RPS24: variants seen among roughly 807,000 people sequenced by gnomAD.
RPS24 encodes the protein ribosomal protein S24, also known as small ribosomal subunit protein eS24.
For missense variants in RPS24, 100 were observed against 162.5 expected (o/e 0.62, Z 2.09); for synonymous variants, 72 against 55.6 (o/e 1.30, Z -1.31).
At chr10:78,036,569 G>A (rs1482156899) in intron 3 of RPS24, 1 of 153,514 alleles carries the variant, frequency 6.5e-6, no homozygotes, top group Non-Finnish European at 1.4e-5. Context: ...CTCCCAAAAT[G>A]TTGGGATTAC....
At chr10:78,053,961 G>C (rs951073981) in intron 4 of RPS24, among the ~76,000 whole-genome samples, 20 of 152,152 alleles carry the variant, frequency 1.3e-4, no homozygotes, top group African/African-American at 4.8e-4. Flanking sequence ...CCTGGGGAAG[G>C]GGGATTTGAG....
At chr10:78,051,073 C>A (rs1445720484) in intron 4 of RPS24, among the ~76,000 whole-genome samples, 1 of 152,110 alleles carries the variant, frequency 6.6e-6, no homozygotes, top group Non-Finnish European at 1.5e-5. Flanking sequence ...ACCTGTAATC[C>A]CAGCTACTTG....
intron 4 of RPS24, chr10:78,038,173 T>G (rs1847917911): frequency 3.5e-6 from 1 of 282,928 alleles, no homozygotes; most frequent in Non-Finnish European, 7.0e-6. Context: ...CCTAATATGT[T>G]TTAAGATAGT....
intron 4 of RPS24, among the ~76,000 whole-genome samples, chr10:78,047,255 C>T (rs573324755): frequency 8.6e-5 from 13 of 152,036 alleles, no homozygotes; most frequent in East Asian, 7.8e-4. Context: ...TGTGAGCCAC[C>T]GCGTCCAGCC....
At chr10:78,053,654 G>A (rs1848122495) in intron 4 of RPS24, among the ~76,000 whole-genome samples, 2 of 152,186 alleles carry the variant, frequency 1.3e-5, no homozygotes, top group South Asian at 4.1e-4. Context: ...GAGAGGAAAT[G>A]GCAGAGCAGG....
chr10:78,056,145 G>A (rs1848147994), exon 5 of RPS24: 1 of 152,604 alleles, frequency 6.6e-6, no homozygotes, highest in South Asian at 2.1e-4. Flanking sequence ...GTGTCTGTTA[G>A]TGAACCTGGT....
chr10:78,043,070 C>G (rs149597404), downstream of RPS24, among the ~76,000 whole-genome samples: 652 of 152,264 alleles, frequency 4.3e-3, 5 homozygotes, highest in African/African-American at 0.015. Flanking sequence ...GTGGCAGAAT[C>G]TTGGCTCACT....
At chr10:78,054,475 G>T in intron 4 of RPS24, 2 of 1,450,462 alleles carry the variant, frequency 1.4e-6, no homozygotes, top group South Asian at 2.8e-5. Flanking sequence ...GAACAGGGCG[G>T]CTGGAAGGCA....
intron 4 of RPS24, among the ~76,000 whole-genome samples, chr10:78,052,223 A>C (rs1032271899): frequency 6.6e-6 from 1 of 151,944 alleles, no homozygotes; most frequent in Non-Finnish European, 1.5e-5. Flanking sequence ...ACGGGGTTTC[A>C]CCATGTTGGC....
chr10:78,052,314 C>G (rs1273770871), intron 4 of RPS24, among the ~76,000 whole-genome samples: 1 of 152,174 alleles, frequency 6.6e-6, no homozygotes, highest in African/African-American at 2.4e-5. Context: ...GTGACCGCCA[C>G]CACCCCCGGC....
At chr10:78,045,205 C>A (rs1234139804), downstream of RPS24, among the ~76,000 whole-genome samples, 1 of 151,848 alleles carries the variant, frequency 6.6e-6, no homozygotes, top group East Asian at 1.9e-4. Flanking sequence ...TCAGGCTGGT[C>A]TTGAACTCCT....
chr10:78,055,520 G>A (rs1848142080), exon 5 of RPS24: 1 of 152,946 alleles, frequency 6.5e-6, no homozygotes, highest in Admixed American at 6.5e-5. Flanking sequence ...ATTGGGTCGT[G>A]AGGCAGAGGC....
intron 4 of RPS24, chr10:78,054,385 C>G: frequency 1.3e-6 from 1 of 761,236 alleles, no homozygotes; most frequent in Non-Finnish European, 2.1e-6. Context: ...AGTGCCCTTC[C>G]TTCAAGCTTT....
At chr10:78,041,154 T>C (rs1847981675), downstream of RPS24, among the ~76,000 whole-genome samples, 1 of 152,112 alleles carries the variant, frequency 6.6e-6, no homozygotes, top group South Asian at 2.1e-4. Context: ...GTACCATGTC[T>C]GGATAAACTG....
At chr10:78,053,592 G>T (rs183055464) in intron 4 of RPS24, among the ~76,000 whole-genome samples, 1 of 152,276 alleles carries the variant, frequency 6.6e-6, no homozygotes, top group East Asian at 1.9e-4. Context: ...GGAAGGTGAG[G>T]GAGCCTGAGA....
At chr10:78,039,259 C>T (rs115763247) in intron 4 of RPS24, 97 of 152,362 alleles carry the variant, frequency 6.4e-4, no homozygotes, top group African/African-American at 2.2e-3. Context: ...AAGAATTAGT[C>T]AAAATTTGTC....
intron 4 of RPS24, among the ~76,000 whole-genome samples, chr10:78,048,458 A>T (rs1056998401): frequency 6.6e-6 from 1 of 151,882 alleles, no homozygotes; most frequent in Admixed American, 6.6e-5. Flanking sequence ...TGGGCAGGAA[A>T]TCTCCAGAAC....
chr10:78,054,831 G>C (rs1259867569), exon 5 of RPS24: 1 of 1,551,628 alleles, frequency 6.4e-7, no homozygotes. Flanking sequence ...TGCTCCTGCT[G>C]GTTCTCCCCA....
At chr10:78,051,045 A>G (rs956519669) in intron 4 of RPS24, among the ~76,000 whole-genome samples, 7 of 152,094 alleles carry the variant, frequency 4.6e-5, no homozygotes, top group Admixed American at 4.6e-4. Flanking sequence ...AAAAAATTAG[A>G]CGGGCATGGT....
Sources: gnomAD v4.1 joint callset for allele counts (sites outside exome capture counted in the v4.1 genomes callset) on GRCh38, gnomAD v4.1.1 for gene constraint, MANE v1.5 for transcripts, NCBI Gene and HGNC (gene_info 2026-07-23, HGNC 2026-07-21) for gene names.